FBXL4: variants seen among roughly 807,000 people sequenced by gnomAD.
FBXL4 encodes F-box and leucine rich repeat protein 4.
In FBXL4, 40 loss-of-function variants were observed where a neutral mutation model predicts 58.9. That is an observed-to-expected ratio of 0.68 (90% CI 0.53 to 0.88). The LOEUF (loss-of-function observed/expected upper bound fraction) is 0.88, where lower values mean the gene tolerates loss of function less well. Among genes scored for constraint, FBXL4 ranks in the 40% least tolerant of loss-of-function variants. The pLI, the probability that FBXL4 is intolerant of heterozygous loss-of-function variation, is 0.00. For missense variants in FBXL4, 676 were observed against 734.4 expected (o/e 0.92, Z 0.92); for synonymous variants, 263 against 265.5 (o/e 0.99, Z 0.09).
At chr6:98,946,488 G>C (rs1212650012) in intron 1 of FBXL4, among the ~76,000 whole-genome samples, 1 of 152,178 alleles carries the variant, frequency 6.6e-6, no homozygotes, top group Non-Finnish European at 1.5e-5. Flanking sequence ...AAGAGGATGA[G>C]ACTAACACAG....
At chr6:98,920,672 A>G (rs1193167273) in intron 4 of FBXL4, among the ~76,000 whole-genome samples, 1 of 152,210 alleles carries the variant, frequency 6.6e-6, no homozygotes, top group African/African-American at 2.4e-5. Context: ...CTAAGTTAAA[A>G]TGAGAAAGGT....
intron 4 of FBXL4, among the ~76,000 whole-genome samples, chr6:98,922,847 AT>A (rs1772634713): frequency 6.6e-6 from 1 of 152,170 alleles, no homozygotes; most frequent in Non-Finnish European, 1.5e-5. Flanking sequence ...CTGTATGTTA[AT>A]TTAGCAAAGT....
At chr6:98,903,133 C>T (rs1026856743) in intron 6 of FBXL4, among the ~76,000 whole-genome samples, 11 of 152,102 alleles carry the variant, frequency 7.2e-5, no homozygotes, top group African/African-American at 2.4e-4. Flanking sequence ...ATGTGCTTTT[C>T]TTCTTTAAAG....
chr6:98,883,168 G>A (rs1216978889), intron 7 of FBXL4, among the ~76,000 whole-genome samples: 1 of 151,988 alleles, frequency 6.6e-6, no homozygotes, highest in African/African-American at 2.4e-5. Flanking sequence ...GCATTAGTAT[G>A]ATTACTAGTG....
intron 5 of FBXL4, among the ~76,000 whole-genome samples, chr6:98,906,881 T>C (rs1464247520): frequency 6.6e-6 from 1 of 152,224 alleles, no homozygotes; most frequent in Non-Finnish European, 1.5e-5. Context: ...CATGAGATGG[T>C]ATCTCATTGT....
intron 7 of FBXL4, among the ~76,000 whole-genome samples, chr6:98,883,674 G>C (rs1442761294): frequency 6.6e-6 from 1 of 151,798 alleles, no homozygotes; most frequent in Non-Finnish European, 1.5e-5. Context: ...TGTATCCACT[G>C]ATTTGTAATG....
chr6:98,931,628 T>A (rs1773013818), intron 2 of FBXL4, among the ~76,000 whole-genome samples: 1 of 152,240 alleles, frequency 6.6e-6, no homozygotes, highest in South Asian at 2.1e-4. Context: ...GTTATAGAAG[T>A]TAAAACCTGT....
intron 4 of FBXL4, among the ~76,000 whole-genome samples, chr6:98,921,770 T>C (rs1303002857): frequency 2.0e-5 from 3 of 152,152 alleles, no homozygotes; most frequent in Admixed American, 1.3e-4. Flanking sequence ...AATTTCAATA[T>C]TATATAGTTG....
chr6:98,927,166 A>T, intron 3 of FBXL4, 106 bp from the exon 4 acceptor site: 1 of 544,346 alleles, frequency 1.8e-6, no homozygotes, highest in Non-Finnish European at 3.1e-6. Context: ...TCTCAGAATG[A>T]AACTAAAAAA....
intron 5 of FBXL4, among the ~76,000 whole-genome samples, chr6:98,916,953 C>A (rs1033699303): frequency 4.0e-5 from 6 of 151,302 alleles, no homozygotes; most frequent in Admixed American, 3.3e-4. Context: ...AGAGAAACTA[C>A]AGATTAAACA....
chr6:98,897,126 T>C (rs1775139582), intron 7 of FBXL4: 17 of 982,210 alleles, frequency 1.7e-5, no homozygotes, highest in African/African-American at 1.7e-5. Flanking sequence ...TAATTATGCC[T>C]GCTATATTTC....
intron 6 of FBXL4, among the ~76,000 whole-genome samples, chr6:98,904,532 G>A (rs1771726131): frequency 6.6e-6 from 1 of 152,104 alleles, no homozygotes; most frequent in Non-Finnish European, 1.5e-5. Flanking sequence ...AGGAAACAAG[G>A]CTCCACATAC....
In FBXL4 at chr6:98,900,292, C is replaced by A. The variant is rs115586633; in HGVS notation, c.1104-811G>T. Among the ~76,000 whole-genome samples the A allele has an allele frequency of 1.8e-3, 278 of 152,266 alleles. 2 individuals carry two copies. Among genetic ancestry groups the A allele is most frequent in the African/African-American group, 6.5e-3 (272 of 41,562 alleles). ...CAAACTGAACCCTCTTAACAGTGTA[C>A]CAATTATGCCTGTCCAGGTCTCTTG... On this transcript the variant is annotated intron_variant, in intron 6 of 9. Transcript: ENST00000369244.
intron 4 of FBXL4, among the ~76,000 whole-genome samples, chr6:98,921,557 T>A (rs1200418240): frequency 3.3e-5 from 5 of 151,972 alleles, no homozygotes; most frequent in Admixed American, 6.6e-5. Flanking sequence ...CCATCTCTAA[T>A]TGGAAACTAA....
chr6:98,887,588 A>T (rs1195458835), intron 7 of FBXL4, among the ~76,000 whole-genome samples: 2 of 152,230 alleles, frequency 1.3e-5, no homozygotes, highest in African/African-American at 4.8e-5. Flanking sequence ...ACTGGGAATT[A>T]AAAAATCATT....
At chr6:98,888,748 C>T (rs1323683741) in intron 7 of FBXL4, among the ~76,000 whole-genome samples, 1 of 152,196 alleles carries the variant, frequency 6.6e-6, no homozygotes, top group Admixed American at 6.5e-5. Context: ...ACTTAAACAA[C>T]TATGGCAAGG....
chr6:98,920,258 T>C (rs1272193453), intron 4 of FBXL4, among the ~76,000 whole-genome samples: 1 of 152,174 alleles, frequency 6.6e-6, no homozygotes, highest in Non-Finnish European at 1.5e-5. Flanking sequence ...CAGACAGGGT[T>C]AAGATGATGC....
chr6:98,943,095 A>G (rs933398000), intron 1 of FBXL4, among the ~76,000 whole-genome samples: 6 of 152,134 alleles, frequency 3.9e-5, no homozygotes, highest in African/African-American at 1.4e-4. Flanking sequence ...TAAGGTCTAT[A>G]GATTGTATCA....
chr6:98,932,080 A>G (rs1200466928), intron 2 of FBXL4, among the ~76,000 whole-genome samples: 1 of 152,240 alleles, frequency 6.6e-6, no homozygotes, highest in Non-Finnish European at 1.5e-5. Context: ...GGAACACTTA[A>G]TTTGTCCAAA....
Sources: gnomAD v4.1 joint callset for allele counts (sites outside exome capture counted in the v4.1 genomes callset) on GRCh38, gnomAD v4.1.1 for gene constraint, MANE v1.5 for transcripts, NCBI Gene and HGNC (gene_info 2026-07-23, HGNC 2026-07-21) for gene names.